The following PTGDR variants were observed in gnomAD, a reference collection of about 807,000 sequenced individuals.
PTGDR encodes the protein PGD2 receptor.
A neutral mutation model predicts 17.4 loss-of-function variants in PTGDR; 19 were observed. The ratio of observed to expected loss-of-function variants is 1.09; its 90% CI spans 0.76 to 1.60. The LOEUF (loss-of-function observed/expected upper bound fraction) is 1.60. Ranked by LOEUF, PTGDR falls within the 40% of genes most tolerant of loss-of-function variation. The pLI, the probability that PTGDR is intolerant of heterozygous loss-of-function variation, is 0.00. For missense variants in PTGDR, 526 were observed against 481.9 expected (o/e 1.09, Z -0.86); for synonymous variants, 267 against 224.2 (o/e 1.19, Z -1.71).
intron 1 of PTGDR, among the ~76,000 whole-genome samples, chr14:52,272,143 G>A (rs1327650186): frequency 6.6e-6 from 1 of 151,994 alleles, no homozygotes; most frequent in Non-Finnish European, 1.5e-5. Flanking sequence ...AATCCATTAG[G>A]TTGACATTCA....
At chr14:52,277,718 A>G (rs1285634896), downstream of PTGDR, among the ~76,000 whole-genome samples, 1 of 152,178 alleles carries the variant, frequency 6.6e-6, no homozygotes, top group Non-Finnish European at 1.5e-5. Context: ...GAAACTTACT[A>G]CAAATGCAAA....
At chr14:52,272,978 T>C (rs766995274) in intron 1 of PTGDR, among the ~76,000 whole-genome samples, 2 of 152,136 alleles carry the variant, frequency 1.3e-5, no homozygotes, top group Non-Finnish European at 2.9e-5. Flanking sequence ...ACATTGTGGT[T>C]TTCTAAGGTA....
At chr14:52,269,452 C>T (rs1397308941) in intron 1 of PTGDR, 9 of 1,531,304 alleles carry the variant, frequency 5.9e-6, no homozygotes, top group Non-Finnish European at 7.9e-6. Context: ...ATTTTGAAGG[C>T]ATTTGTTCCT....
At position 52,267,777 on chromosome 14, in the gene PTGDR, T is replaced by C; in HGVS notation, c.-38T>C. On this transcript the variant is annotated 5_prime_UTR_variant, in exon 1 of 2. Transcript: ENST00000306051. ...ACCCGGGCGCCGGGGCCCTCGCCCT[T>C]CCGCAGCCTTCACTCCAGCCCTCTG... 6.7e-7 allele frequency: 1 copy of C among 1,503,478 alleles called. No individual in the cohort carries two copies. Among genetic ancestry groups the C allele is most frequent in the Non-Finnish European group, 8.9e-7 (1 of 1,127,892 alleles). 93.1% of individuals were successfully genotyped at this position (1,503,478 alleles called of 1,614,324 possible).
At chr14:52,279,894 C>A (rs1367764604), downstream of PTGDR, among the ~76,000 whole-genome samples, 5 of 150,848 alleles carry the variant, frequency 3.3e-5, no homozygotes, top group African/African-American at 1.2e-4. Flanking sequence ...TAAAATGCCT[C>A]AACCGGGGAA....
At chr14:52,268,915 CA>C (rs937405015) in intron 1 of PTGDR, among the ~76,000 whole-genome samples, 6 of 152,192 alleles carry the variant, frequency 3.9e-5, no homozygotes, top group African/African-American at 1.4e-4. Context: ...CCTAGCCCAG[CA>C]AAACCCTCTC....
chr14:52,277,004 T>A (rs751455296), downstream of PTGDR, among the ~76,000 whole-genome samples: 1 of 152,218 alleles, frequency 6.6e-6, no homozygotes, highest in Non-Finnish European at 1.5e-5. Flanking sequence ...ACCATCTGGA[T>A]GAAGTCTGTG....
chr14:52,268,254 G>A lies in PTGDR; in HGVS notation c.440G>A (p.Arg147His), dbSNP rs767933712. ...TTCTACCGACGGCACATCACCCTGCGCCTGGGCGCACTGGTGGCCCCGGTG... is the reference window on the plus strand; with the variant it reads ...TTCTACCGACGGCACATCACCCTGCACCTGGGCGCACTGGTGGCCCCGGTG... The part of the protein sequence containing the change: ...PFFYRRHITL[R>H]LGALVAPVVS... The change falls in exon 1 of 2, where the codon CGC becomes CAC. Residue 147 changes from arginine (R) to histidine (H), a missense_variant. Physicochemically the swap from Arg to His is conservative, Grantham distance 29. Transcript: ENST00000306051. 22 of 1,613,866 alleles carry A rather than the reference G, an allele frequency of 1.4e-5. No homozygotes were observed. Among genetic ancestry groups the A allele is most frequent in the East Asian group, 2.2e-5 (1 of 44,900 alleles).
intron 1 of PTGDR, among the ~76,000 whole-genome samples, chr14:52,272,133 A>G (rs560349951): frequency 1.3e-5 from 2 of 152,324 alleles, no homozygotes; most frequent in East Asian, 3.9e-4. Context: ...ATCCATGTCA[A>G]ATCCATTAGG....
rs1483243294 is a variant in PTGDR at position 52,268,556 on chromosome 14, G to C, written c.742G>C (p.Ala248Pro). 1 of 1,612,694 alleles carries C rather than the reference G, an allele frequency of 6.2e-7. No individual in the cohort carries two copies. Among genetic ancestry groups the C allele is most frequent in the South Asian group, 1.1e-5 (1 of 91,006 alleles). Residue 248 changes from alanine (A) to proline (P), a missense_variant, in exon 1 of 2, where the codon GCG becomes CCG. Physicochemically the swap from Ala to Pro is conservative, Grantham distance 27 (BLOSUM62 -1). Coordinates refer to ENST00000306051, the MANE Select transcript of PTGDR (RefSeq NM_000953.3). ...CACCAGGGACTGTGCCGAGCCGCGC[G>C]CGGACGGGAGGGAAGCGTCCCCTCA... is the stretch of plus-strand genomic sequence containing the variant. ...SCTRDCAEPR[A>P]DGREASPQPL...
downstream of PTGDR, chr14:52,276,849 G>A (rs1335235349): frequency 2.0e-5 from 3 of 152,098 alleles, no homozygotes; most frequent in South Asian, 2.1e-4. Context: ...TATACTGTCC[G>A]ATTAACACTT....
intron 1 of PTGDR, among the ~76,000 whole-genome samples, chr14:52,272,244 G>T (rs1358125198): frequency 1.3e-5 from 2 of 152,088 alleles, no homozygotes; most frequent in African/African-American, 2.4e-5. Context: ...AAATCAGGAG[G>T]ACTGTTTGAG....
At position 52,268,273 on chromosome 14, in the gene PTGDR, C is replaced by G; in HGVS notation, c.459C>G (p.Ala153=). Residue 153 remains alanine (A), a synonymous_variant, in exon 1 of 2, where the codon GCC becomes GCG. Coordinates refer to ENST00000306051, the MANE Select transcript of PTGDR (RefSeq NM_000953.3). ...HITLRLGALV[A]PVVSAFSLAF... is the part of the protein sequence containing the mutation. ...CCCTGCGCCTGGGCGCACTGGTGGC[C>G]CCGGTGGTGAGCGCCTTCTCCCTGG... 1.2e-6 allele frequency: 2 copies of G among 1,613,992 alleles called. No homozygotes were observed. Among genetic ancestry groups the G allele is most frequent in the Non-Finnish European group, 1.7e-6 (2 of 1,180,040 alleles).
chr14:52,279,571 A>G (rs1342648764), downstream of PTGDR, among the ~76,000 whole-genome samples: 3 of 152,174 alleles, frequency 2.0e-5, no homozygotes, highest in Admixed American at 1.3e-4. Context: ...CTGAGCACAT[A>G]GGATGGGTGG....
In PTGDR at chr14:52,268,612, G is replaced by A. The variant is rs200026814; in HGVS notation, c.798G>A (p.Leu266=). Residue 266 remains leucine, a synonymous_variant, in exon 1 of 2, where the codon CTG becomes CTA. Coordinates refer to ENST00000306051, the MANE Select transcript of PTGDR (RefSeq NM_000953.3). ...TGGAGGAGCTGGATCACCTCCTGCT[G>A]CTGGCGCTGATGACCGTGCTCTTCA... ...QPLEELDHLL[L]LALMTVLFTM... is the part of the protein sequence containing the mutation. 79 of 1,606,520 alleles carry A rather than the reference G, an allele frequency of 4.9e-5. No homozygotes were observed. The highest frequency in any genetic ancestry group is 6.5e-5 in the Non-Finnish European group (77 of 1,177,024).
downstream of PTGDR, among the ~76,000 whole-genome samples, chr14:52,278,894 T>A (rs1229986696): frequency 6.6e-6 from 1 of 151,048 alleles, no homozygotes; most frequent in Non-Finnish European, 1.5e-5. Context: ...CATTAGGGAT[T>A]GAATATTTTC....
At chr14:52,278,647 AT>A (rs1282317676), downstream of PTGDR, among the ~76,000 whole-genome samples, 13 of 152,172 alleles carry the variant, frequency 8.5e-5, no homozygotes, top group South Asian at 2.1e-4. Flanking sequence ...AAGAAAAAAA[AT>A]AATATATCTT....
At chr14:52,279,625 A>G (rs1309509831), downstream of PTGDR, among the ~76,000 whole-genome samples, 2 of 152,102 alleles carry the variant, frequency 1.3e-5, no homozygotes, top group Non-Finnish European at 2.9e-5. Context: ...ACAATAGCCA[A>G]ATTCAGTGGA....
chr14:52,272,502 G>C (rs1279704279), intron 1 of PTGDR, among the ~76,000 whole-genome samples: 1 of 151,746 alleles, frequency 6.6e-6, no homozygotes, highest in Non-Finnish European at 1.5e-5. Context: ...ATTTTTAAAA[G>C]TGCTCAATAT....
Sources: gnomAD v4.1 joint callset for allele counts (sites outside exome capture counted in the v4.1 genomes callset) on GRCh38, gnomAD v4.1.1 for gene constraint, MANE v1.5 for transcripts, NCBI Gene and HGNC (gene_info 2026-07-23, HGNC 2026-07-21) for gene names.